The following ZBTB1 variants were observed in gnomAD, a reference collection of about 807,000 sequenced individuals.
ZBTB1 encodes zinc finger and BTB domain-containing protein 1.
ZBTB1 carries 13 observed loss-of-function variants against 51.6 expected under a neutral mutation model. The observed-to-expected ratio is 0.25, with a 90% CI of 0.16 to 0.40. The LOEUF is 0.40. ZBTB1 is among the 10% of genes least tolerant of loss of function. ZBTB1 has a pLI of 1.00. For missense variants in ZBTB1, 567 were observed against 856.5 expected (o/e 0.66, Z 4.22); for synonymous variants, 240 against 282.2 (o/e 0.85, Z 1.50).
exon 3 of ZBTB1, chr14:64,533,306 A>C (rs2079957039): frequency 6.6e-6 from 1 of 152,370 alleles, no homozygotes; most frequent in Non-Finnish European, 1.5e-5. Flanking sequence ...AGAGTCTAAA[A>C]AACCCTAGAG....
chr14:64,522,793 T>C lies in ZBTB1; in HGVS notation c.1289T>C (p.Ile430Thr), dbSNP rs1454514616. ...NASCELCGLT[I>T]TEEDLSSHYL... ...TCTTGTGAGCTGTGTGGACTTACAA[T>C]AACCGAGGAGGACCTGTCATCTCAT... The change falls in exon 2 of 2, where the codon ATA (isoleucine) becomes ACA (threonine). Residue 430 changes from isoleucine to threonine, a missense_variant. By Grantham distance (89) the Ile-to-Thr change is moderately conservative. Coordinates refer to ENST00000683701, the MANE Select transcript of ZBTB1 (RefSeq NM_001123329.2). The C allele has an allele frequency of 6.2e-7, 1 of 1,614,204 alleles. No individual in the cohort carries two copies.
At chr14:64,505,211 T>C in intron 1 of ZBTB1, 1 of 298,290 alleles carries the variant, frequency 3.4e-6, no homozygotes, top group Non-Finnish European at 6.1e-6. Flanking sequence ...AGTTACCTTC[T>C]TTTCTTTCTT....
chr14:64,525,882 A>G (rs1006044210), downstream of ZBTB1, among the ~76,000 whole-genome samples: 4 of 151,984 alleles, frequency 2.6e-5, no homozygotes, highest in African/African-American at 9.7e-5. Flanking sequence ...GTGCAGTGGT[A>G]CAATCTTGGC....
rs1232948835 is a variant in ZBTB1 at position 64,524,330 on chromosome 14, C to A, written c.*684C>A. ...TTAAAACTTATATTAAGTGTAAATT[C>A]CAGTGGCTTTACCTCACTTGAAAAA... On this transcript the variant is annotated 3_prime_UTR_variant, in exon 2 of 2. Transcript: ENST00000683701. The A allele has an allele frequency of 2.1e-6, 2 of 932,998 alleles. No individual in the cohort carries two copies. Among genetic ancestry groups the A allele is most frequent in the African/African-American group, 1.8e-5 (1 of 56,000 alleles). 57.8% of individuals were successfully genotyped at this position (932,998 alleles called of 1,614,324 possible).
At chr14:64,528,137 C>G (rs2079917185), downstream of ZBTB1, among the ~76,000 whole-genome samples, 1 of 152,060 alleles carries the variant, frequency 6.6e-6, no homozygotes, top group African/African-American at 2.4e-5. Context: ...TAATAAATTT[C>G]TGGAAAATCT....
intron 1 of ZBTB1, among the ~76,000 whole-genome samples, chr14:64,510,339 C>T (rs1286055124): frequency 6.6e-6 from 1 of 152,188 alleles, no homozygotes; most frequent in Non-Finnish European, 1.5e-5. Context: ...GAATTTAAAC[C>T]CAGGCAGTCT....
Position 64,523,199 on chromosome 14 carries a change from C to T in ZBTB1, c.1695C>T (p.Ala565=), listed in dbSNP as rs2079877413. The T allele has an allele frequency of 3.1e-6, 5 of 1,614,152 alleles. No individual in the cohort carries two copies. The highest frequency in any genetic ancestry group is 4.2e-6 in the Non-Finnish European group (5 of 1,180,022). ...SCLDQDMFKS[A]IMEENERDHR... Reference sequence around the variant, plus strand: ...TAGATCAAGATATGTTTAAGAGTGCCATCATGGAAGAAAATGAAAGAGATC... The same window carrying T: ...TAGATCAAGATATGTTTAAGAGTGCTATCATGGAAGAAAATGAAAGAGATC... Residue 565 remains alanine (A), a synonymous_variant, in exon 2 of 2, where the codon GCC becomes GCT. Transcript: ENST00000683701. The surrounding 1 kb of genome is among the most constrained non-coding windows in gnomAD (Gnocchi z 4.5).
intron 1 of ZBTB1, among the ~76,000 whole-genome samples, chr14:64,520,411 C>T (rs1256368754): frequency 1.3e-5 from 2 of 152,108 alleles, no homozygotes; most frequent in Non-Finnish European, 2.9e-5. Context: ...AAATCCTGGG[C>T]TCAAGCCATC....
intron 1 of ZBTB1, chr14:64,516,806 CTCT>C (rs749014257): frequency 6.6e-6 from 1 of 152,114 alleles, no homozygotes; most frequent in Non-Finnish European, 1.5e-5. Context: ...GCTATAAGTG[CTCT>C]TATTTAAATG....
chr14:64,505,021 C>G (rs2079620502), intron 1 of ZBTB1, 75 bp downstream of exon 1: 3 of 386,422 alleles, frequency 7.8e-6, no homozygotes, highest in African/African-American at 2.1e-5. Context: ...GCGGGCCTGG[C>G]GGAGTGCGGG....
rs775597897 is a variant in ZBTB1 at position 64,521,491 on chromosome 14, C to G, written c.-14C>G. ...TAATATTTTTGTTTTACATAGGTCTCTAATTAACAGAAGATGGCAAAGCCC... is the reference window on the plus strand; with the variant it reads ...TAATATTTTTGTTTTACATAGGTCTGTAATTAACAGAAGATGGCAAAGCCC... On this transcript the variant is annotated 5_prime_UTR_variant, in exon 2 of 2. Coordinates refer to ENST00000683701, the MANE Select transcript of ZBTB1 (RefSeq NM_001123329.2). 4.4e-6 allele frequency: 7 copies of G among 1,577,788 alleles called. No individual in the cohort carries two copies. Among genetic ancestry groups the G allele is most frequent in the Non-Finnish European group, 6.0e-6 (7 of 1,165,088 alleles).
chr14:64,513,641 T>C (rs906456932), intron 1 of ZBTB1, among the ~76,000 whole-genome samples: 10 of 152,196 alleles, frequency 6.6e-5, no homozygotes, highest in Non-Finnish European at 1.0e-4. Context: ...TGCTGAACTT[T>C]ATTCAATATA....
chr14:64,509,220 G>A (rs1007653879), intron 1 of ZBTB1, among the ~76,000 whole-genome samples: 1 of 152,090 alleles, frequency 6.6e-6, no homozygotes, highest in African/African-American at 2.4e-5. Context: ...CAATACAAAA[G>A]TTAGCTGGGC....
At chr14:64,527,150 A>G (rs2079909246), downstream of ZBTB1, among the ~76,000 whole-genome samples, 1 of 151,890 alleles carries the variant, frequency 6.6e-6, no homozygotes, top group African/African-American at 2.4e-5. Context: ...CAGAGGGGCT[A>G]ATAATTTAAA....
chr14:64,519,915 T>G (rs530510372), intron 1 of ZBTB1, among the ~76,000 whole-genome samples: 2 of 152,352 alleles, frequency 1.3e-5, no homozygotes, highest in South Asian at 4.1e-4. Context: ...AATTATTGCT[T>G]CTTTGATAAT....
upstream of ZBTB1, chr14:64,503,718 G>A (rs2079576397): frequency 1.7e-6 from 1 of 601,090 alleles, no homozygotes; most frequent in Non-Finnish European, 2.1e-6. Context: ...GGGCTCCCAA[G>A]CCGCGCACTG....
downstream of ZBTB1, among the ~76,000 whole-genome samples, chr14:64,529,551 T>G (rs1490197409): frequency 1.3e-5 from 2 of 152,098 alleles, no homozygotes; most frequent in Non-Finnish European, 2.9e-5. Context: ...TTGGGAGGAT[T>G]GCTTGAGCCC....
At chr14:64,517,143 C>T (rs1022484901) in intron 1 of ZBTB1, among the ~76,000 whole-genome samples, 1 of 152,218 alleles carries the variant, frequency 6.6e-6, no homozygotes, top group African/African-American at 2.4e-5. Flanking sequence ...ACCACCATTA[C>T]AACATCCACT....
At chr14:64,525,574 C>T (rs1057200065), downstream of ZBTB1, among the ~76,000 whole-genome samples, 12 of 151,928 alleles carry the variant, frequency 7.9e-5, no homozygotes, top group Admixed American at 5.2e-4. Context: ...TCACTTTTTT[C>T]GTGACTCATC....
Sources: allele counts gnomAD v4.1 joint callset (sites outside exome capture counted in the v4.1 genomes callset), GRCh38; gene constraint gnomAD v4.1.1; non-coding constraint Gnocchi (gnomAD v3.1); transcripts MANE v1.5; gene names NCBI Gene and HGNC (gene_info 2026-07-23, HGNC 2026-07-21).